The following ADAP1 variants were observed in gnomAD, a reference collection of about 807,000 sequenced individuals.
ADAP1 encodes ArfGAP with dual PH domains 1.
A neutral mutation model predicts 54.9 loss-of-function variants in ADAP1; 31 were observed. That is an observed-to-expected ratio of 0.56 (90% CI 0.42 to 0.76). The LOEUF (loss-of-function observed/expected upper bound fraction) is 0.76, where lower values mean the gene tolerates loss of function less well. Ranked by LOEUF, ADAP1 falls within the 30% of genes least tolerant of loss-of-function variation. The pLI is 0.00. For synonymous variants in ADAP1, 313 were observed against 202.6 expected (o/e 1.55, Z -4.63); for missense variants, 535 against 512.4 (o/e 1.04, Z -0.42).
intron 4 of ADAP1, among the ~76,000 whole-genome samples, chr7:906,921 G>A (rs535965383): frequency 1.7e-4 from 25 of 146,996 alleles, no homozygotes; most frequent in African/African-American, 2.8e-4. Flanking sequence ...CTGGATGAGC[G>A]GGACTCCAGC....
chr7:929,015 C>T (rs541814354), intron 2 of ADAP1, among the ~76,000 whole-genome samples: 5 of 152,326 alleles, frequency 3.3e-5, no homozygotes, highest in South Asian at 2.1e-4. Flanking sequence ...GAATGCCGGC[C>T]GGGCGCGGGG....
At chr7:905,652 A>AGG (rs1845193015) in intron 4 of ADAP1, 2 of 188,456 alleles carry the variant, frequency 1.1e-5, no homozygotes, top group Non-Finnish European at 1.1e-5. Context: ...AGAAAGGGAA[A>AGG]GGAGAAAGGA....
intron 3 of ADAP1, among the ~76,000 whole-genome samples, chr7:925,842 C>T (rs1451068558): frequency 2.0e-5 from 3 of 152,220 alleles, no homozygotes; most frequent in East Asian, 1.9e-4. Flanking sequence ...AGTGAGTCAA[C>T]GGAGGGCGGT....
Position 900,632 on chromosome 7 carries a change from G to T in ADAP1, c.649-16C>A, listed in dbSNP as rs1562905878. 1.3e-6 allele frequency: 2 copies of T among 1,585,958 alleles called. No homozygotes were observed. Among genetic ancestry groups the T allele is most frequent in the East Asian group, 2.3e-5 (1 of 43,806 alleles). On this transcript the variant is annotated splice_polypyrimidine_tract_variant and intron_variant, in intron 6 of 10. Coordinates refer to ENST00000265846, the MANE Select transcript of ADAP1 (RefSeq NM_006869.4). ...CCACAATCTCCTAGGGGCAAAGGTG[G>T]GCACAGGCTTGGGCTGAGGAGGCTG...
At chr7:949,276 TGGCCACAC>T (rs1000029894) in intron 1 of ADAP1, among the ~76,000 whole-genome samples, 37 of 152,312 alleles carry the variant, frequency 2.4e-4, no homozygotes, top group African/African-American at 8.4e-4. Flanking sequence ...ACATACCTCC[TGGCCACAC>T]GGCCACGTGC....
chr7:921,102 C>T (rs1030583960), intron 3 of ADAP1, among the ~76,000 whole-genome samples: 29 of 152,198 alleles, frequency 1.9e-4, no homozygotes, highest in Admixed American at 9.2e-4. Flanking sequence ...TGTATCATCT[C>T]GGTCACGGAG....
intron 4 of ADAP1, chr7:905,635 G>GGAAAGGAGAAAGGAGAAAGGAGAAAGGA (rs1562912488): frequency 3.7e-4 from 11 of 29,338 alleles, no homozygotes; most frequent in Admixed American, 6.1e-4. Flanking sequence ...AAGGAGAAAG[G>GGAAAGGAGAAAGGAGAAAGGAGAAAGGA]GAAAGGAGAA....
Position 905,295 on chromosome 7 carries a change from G to A in ADAP1, c.389-123C>T, listed in dbSNP as rs531959169. On this transcript the variant is annotated intron_variant, in intron 4 of 10. Transcript: ENST00000265846. Reference sequence around the variant, plus strand: ...CACGGGGGACACGGACGGGGGACACGGACAGGGGGAGACGGACGGGGAGAG... The same window carrying A: ...CACGGGGGACACGGACGGGGGACACAGACAGGGGGAGACGGACGGGGAGAG... The A allele has an allele frequency of 3.4e-4, 123 of 360,230 alleles. 10 individuals are homozygous for A. The highest frequency in any genetic ancestry group is 5.1e-4 in the Non-Finnish European group (105 of 204,060). 22.3% of individuals were successfully genotyped at this position (360,230 alleles called of 1,614,324 possible).
rs574215985 is a variant in ADAP1, at chr7:948,076, C to T, written c.82+6320G>A. On this transcript the variant is annotated intron_variant, in intron 1 of 10. Transcript: ENST00000265846. ...TGCCAGGGACCTGCTCCTCACCCCA[C>T]ACCTTGGCCACCCCACGGCCTGCCC... is the stretch of plus-strand genomic sequence containing the variant. Among the ~76,000 whole-genome samples the T allele has an allele frequency of 4.6e-5, 7 of 152,132 alleles. No individual in the cohort carries two copies. The East Asian group carries it at 1.4e-3, about 29-fold the overall frequency.
Position 926,635 on chromosome 7 carries a change from A to T in ADAP1, c.223T>A (p.Ser75Thr). The T allele has an allele frequency of 6.5e-7, 1 of 1,544,056 alleles. No homozygotes were observed. Among genetic ancestry groups the T allele is most frequent in the Non-Finnish European group, 8.7e-7 (1 of 1,144,320 alleles). Reference sequence around the variant, plus strand: ...GCTCTCGCGGCGTCGTTCCCGTGGGAGGCCATGAACTGCAAGAGAGGAGGG... The same window carrying T: ...GCTCTCGCGGCGTCGTTCCCGTGGGTGGCCATGAACTGCAAGAGAGGAGGG... The part of the protein sequence containing the change: ...WEEAQVEFMA[S>T]HGNDAARARF... Residue 75 changes from serine (S) to threonine (T), a missense_variant, in exon 3 of 11, where the codon TCC (serine) becomes ACC (threonine). Ser to Thr is a moderately conservative substitution (Grantham distance 58). Coordinates refer to ENST00000265846, the MANE Select transcript of ADAP1 (RefSeq NM_006869.4). This position sits in a 1 kb window ranked among gnomAD's most constrained non-coding sequence, Gnocchi z 4.6.
At chr7:937,365 G>C (rs189125042) in intron 1 of ADAP1, among the ~76,000 whole-genome samples, 24 of 26,036 alleles carry the variant, frequency 9.2e-4, no homozygotes, top group South Asian at 2.6e-3. Context: ...GGGTCACGCC[G>C]GGCCTCTGGG....
intron 4 of ADAP1, among the ~76,000 whole-genome samples, chr7:905,906 A>AAGGGAGAAGGGAG (rs1845252241): frequency 1.2e-4 from 4 of 33,238 alleles, no homozygotes; most frequent in African/African-American, 2.9e-4. Flanking sequence ...GAGAAAGGAG[A>AAGGGAGAAGGGAG]AAGGGAAAGG....
At chr7:950,288 G>A (rs529769734) in intron 1 of ADAP1, among the ~76,000 whole-genome samples, 59 of 152,040 alleles carry the variant, frequency 3.9e-4, no homozygotes, top group Non-Finnish European at 6.3e-4. Context: ...GATCGAGACC[G>A]TCCTGGCTAA....
intron 6 of ADAP1, among the ~76,000 whole-genome samples, chr7:902,970 C>T (rs1433652666): frequency 2.6e-5 from 4 of 152,200 alleles, no homozygotes; most frequent in African/African-American, 7.2e-5. Flanking sequence ...GACCCCTTTC[C>T]CTCCAGGCAC....
upstream of ADAP1, among the ~76,000 whole-genome samples, chr7:955,104 A>C (rs1196658200): frequency 6.6e-6 from 1 of 152,054 alleles, no homozygotes; most frequent in Non-Finnish European, 1.5e-5. Flanking sequence ...GCAGGTGACA[A>C]ACGCCAGCGT....
Position 949,984 on chromosome 7 carries a change from A to G in ADAP1, c.82+4412T>C, listed in dbSNP as rs1050651792. Reference sequence around the variant, plus strand: ...ACCTGAAGCAGGGTCTCAGAGAGACATCTGCACCCTCGTGCTCACACAGCA... The same window carrying G: ...ACCTGAAGCAGGGTCTCAGAGAGACGTCTGCACCCTCGTGCTCACACAGCA... On this transcript the variant is annotated intron_variant, in intron 1 of 10. Transcript: ENST00000265846. Among the ~76,000 whole-genome samples the G allele has an allele frequency of 9.9e-5, 15 of 152,284 alleles. 1 individual carries two copies. In the East Asian group the frequency reaches 2.5e-3, roughly 25 times the overall value.
In ADAP1 at chr7:945,872, GT is replaced by G; in HGVS notation, c.82+8523del. The G allele has an allele frequency of 4.1e-6, 4 of 979,326 alleles. No individual in the cohort carries two copies. Among genetic ancestry groups the G allele is most frequent in the Non-Finnish European group, 4.9e-6 (4 of 824,384 alleles). The allele number at this position is 979,326 out of a possible 1,614,324, so 60.7% of individuals were successfully genotyped here. ...GGGCGGAGCCAGGTGGGGCAGGCGT[GT>G]CCCCCAAGCCAAGGCCCAGGCTGGG... On this transcript the variant is annotated intron_variant, in intron 1 of 10. Transcript: ENST00000265846. The surrounding 1 kb of genome is among the most constrained non-coding windows in gnomAD (Gnocchi z 4.2).
intron 8 of ADAP1, 49 bp downstream of exon 8, chr7:900,053 A>G: frequency 6.2e-7 from 1 of 1,606,422 alleles, no homozygotes; most frequent in Non-Finnish European, 8.5e-7. Flanking sequence ...TCCGAGACCC[A>G]CCATGGCGTA....
At chr7:904,953 A>ACG in intron 5 of ADAP1, 107 bp downstream of exon 5, 1 of 923,124 alleles carries the variant, frequency 1.1e-6, no homozygotes, top group East Asian at 2.6e-5. Flanking sequence ...CGGGGGGGGC[A>ACG]GCAGGGAGGG....
Sources: allele counts gnomAD v4.1 joint callset (sites outside exome capture counted in the v4.1 genomes callset), GRCh38; gene constraint gnomAD v4.1.1; non-coding constraint Gnocchi (gnomAD v3.1); transcripts MANE v1.5; gene names NCBI Gene and HGNC (gene_info 2026-07-23, HGNC 2026-07-21).